Variants in PAPSS1 observed in about 807,000 individuals in gnomAD.
The protein encoded by PAPSS1 is bifunctional 3'-phosphoadenosine 5'-phosphosulfate synthase 1.
In PAPSS1, 50 loss-of-function variants were observed where a neutral mutation model predicts 72.0. The observed-to-expected ratio is 0.69, with a 90% CI of 0.55 to 0.88. The LOEUF (loss-of-function observed/expected upper bound fraction) is 0.88, where lower values mean the gene tolerates loss of function less well. Ranked by LOEUF, PAPSS1 falls within the 40% of genes least tolerant of loss-of-function variation. PAPSS1 has a pLI of 0.00. For synonymous variants in PAPSS1, 261 were observed against 263.6 expected (o/e 0.99, Z 0.09); for missense variants, 657 against 782.2 (o/e 0.84, Z 1.91).
chr4:107,649,703 C>CACTT (rs1176586713), intron 9 of PAPSS1, among the ~76,000 whole-genome samples: 2 of 152,176 alleles, frequency 1.3e-5, no homozygotes, highest in Non-Finnish European at 2.9e-5. Flanking sequence ...CTGATGTCTC[C>CACTT]ACTTACACAC....
intron 10 of PAPSS1, among the ~76,000 whole-genome samples, chr4:107,635,654 C>T (rs191368862): frequency 6.6e-6 from 1 of 151,780 alleles, no homozygotes; most frequent in Non-Finnish European, 1.5e-5. Context: ...AGGATGTGAC[C>T]AGTGAGTTAA....
At chr4:107,623,915 T>C (rs1726030830) in intron 11 of PAPSS1, among the ~76,000 whole-genome samples, 1 of 152,262 alleles carries the variant, frequency 6.6e-6, no homozygotes, top group Admixed American at 6.5e-5. Flanking sequence ...AAATGTTTCA[T>C]TTAATCCAGC....
At chr4:107,702,954 AC>A (rs1723241620) in intron 1 of PAPSS1, among the ~76,000 whole-genome samples, 1 of 152,164 alleles carries the variant, frequency 6.6e-6, no homozygotes, top group Admixed American at 6.5e-5. Context: ...TAATGGCTAT[AC>A]TAATATTCCC....
chr4:107,662,495 C>T (rs1727208125), intron 5 of PAPSS1, among the ~76,000 whole-genome samples: 1 of 151,916 alleles, frequency 6.6e-6, no homozygotes, highest in East Asian at 1.9e-4. Context: ...TTCTAATGAA[C>T]CCACACTAAA....
chr4:107,696,927 T>C (rs1302606783), intron 2 of PAPSS1, among the ~76,000 whole-genome samples: 2 of 152,136 alleles, frequency 1.3e-5, no homozygotes, highest in East Asian at 1.9e-4. Context: ...AGGTACTAAT[T>C]CCCTGCCCTA....
chr4:107,637,473 T>C (rs1465936877), intron 10 of PAPSS1, among the ~76,000 whole-genome samples: 2 of 152,114 alleles, frequency 1.3e-5, no homozygotes, highest in African/African-American at 4.8e-5. Flanking sequence ...ACTAAACCAT[T>C]CTCTCCCCAC....
intron 6 of PAPSS1, among the ~76,000 whole-genome samples, chr4:107,659,508 G>C (rs192945212): frequency 6.6e-6 from 1 of 152,090 alleles, no homozygotes; most frequent in African/African-American, 2.4e-5. Context: ...GTTGTATTGG[G>C]AAAGACAGCT....
At chr4:107,702,258 C>T (rs959905055) in intron 1 of PAPSS1, among the ~76,000 whole-genome samples, 3 of 152,124 alleles carry the variant, frequency 2.0e-5, no homozygotes, top group African/African-American at 7.2e-5. Flanking sequence ...TTTTGGAAAA[C>T]AGCAGCCCCT....
chr4:107,671,135 T>C (rs986426738), intron 5 of PAPSS1, among the ~76,000 whole-genome samples: 4 of 152,120 alleles, frequency 2.6e-5, no homozygotes, highest in Admixed American at 6.5e-5. Flanking sequence ...ATTTTCATTA[T>C]ACAGAATTAT....
intron 11 of PAPSS1, among the ~76,000 whole-genome samples, chr4:107,617,863 G>A (rs1578376501): frequency 2.0e-5 from 3 of 152,166 alleles, no homozygotes; most frequent in East Asian, 1.9e-4. Flanking sequence ...ATGATATACG[G>A]GTCCATGCAG....
chr4:107,652,378 G>A (rs1309109923), intron 9 of PAPSS1, among the ~76,000 whole-genome samples: 1 of 152,132 alleles, frequency 6.6e-6, no homozygotes, highest in Non-Finnish European at 1.5e-5. Context: ...GAGTATGGGT[G>A]CACCAAGGTA....
At chr4:107,684,538 G>A (rs1722723854) in intron 4 of PAPSS1, among the ~76,000 whole-genome samples, 1 of 152,162 alleles carries the variant, frequency 6.6e-6, no homozygotes, top group East Asian at 1.9e-4. Context: ...TCTGAATGGG[G>A]ACATTTGTCA....
At chr4:107,617,311 G>T (rs1725850536) in intron 11 of PAPSS1, among the ~76,000 whole-genome samples, 1 of 149,836 alleles carries the variant, frequency 6.7e-6, no homozygotes, top group African/African-American at 2.5e-5. Context: ...CTTGACACTT[G>T]GTTCCCGGTC....
intron 9 of PAPSS1, among the ~76,000 whole-genome samples, chr4:107,652,233 A>T (rs1409779792): frequency 6.6e-6 from 1 of 152,202 alleles, no homozygotes; most frequent in African/African-American, 2.4e-5. Flanking sequence ...GGGCCAAACC[A>T]TCTCTGCAGT....
chr4:107,676,462 G>A (rs536352142), intron 5 of PAPSS1, among the ~76,000 whole-genome samples: 3 of 152,202 alleles, frequency 2.0e-5, no homozygotes, highest in Admixed American at 6.5e-5. Flanking sequence ...AAATACCTAG[G>A]AATCCAGCTT....
chr4:107,671,531 G>T (rs1282813868), intron 5 of PAPSS1, among the ~76,000 whole-genome samples: 3 of 152,046 alleles, frequency 2.0e-5, no homozygotes, highest in African/African-American at 7.2e-5. Context: ...ATATAAAATG[G>T]TATCTATTAA....
intron 4 of PAPSS1, among the ~76,000 whole-genome samples, chr4:107,686,723 T>C (rs951410545): frequency 6.6e-6 from 1 of 152,312 alleles, no homozygotes; most frequent in Non-Finnish European, 1.5e-5. Context: ...ACAAAGAAAG[T>C]AGAATTGGTG....
At chr4:107,623,706 C>T (rs377428896) in intron 11 of PAPSS1, among the ~76,000 whole-genome samples, 3 of 152,244 alleles carry the variant, frequency 2.0e-5, no homozygotes, top group East Asian at 3.9e-4. Flanking sequence ...GGGCTCTCCA[C>T]CTTGATCATG....
intron 10 of PAPSS1, among the ~76,000 whole-genome samples, chr4:107,639,501 T>C (rs1401528897): frequency 1.3e-5 from 2 of 152,202 alleles, no homozygotes; most frequent in East Asian, 3.9e-4. Context: ...GCTACAGGAA[T>C]ATTAATGTGC....
Sources: gnomAD v4.1 joint callset for allele counts (sites outside exome capture counted in the v4.1 genomes callset) on GRCh38, gnomAD v4.1.1 for gene constraint, MANE v1.5 for transcripts, NCBI Gene and HGNC (gene_info 2026-07-23, HGNC 2026-07-21) for gene names.